Variants in ANKRD12 observed in about 807,000 individuals in gnomAD.
The protein encoded by ANKRD12 is ankyrin repeat domain 12.
A neutral mutation model predicts 183.4 loss-of-function variants in ANKRD12; 85 were observed. That is an observed-to-expected ratio of 0.46 (90% CI 0.39 to 0.56). The LOEUF is 0.56. Among genes scored for constraint, ANKRD12 ranks in the 20% least tolerant of loss-of-function variants. ANKRD12 has a pLI of 0.00. For synonymous variants in ANKRD12, 914 were observed against 800.2 expected (o/e 1.14, Z -2.40); for missense variants, 2,405 against 2,357.1 (o/e 1.02, Z -0.42).
chr18:9,168,873 C>T (rs1297805134), intron 1 of ANKRD12, among the ~76,000 whole-genome samples: 1 of 152,050 alleles, frequency 6.6e-6, no homozygotes, highest in African/African-American at 2.4e-5. Flanking sequence ...ATAGATTTCC[C>T]TCTACACACT....
intron 3 of ANKRD12, among the ~76,000 whole-genome samples, chr18:9,196,119 AC>A (rs2034776074): frequency 1.1e-5 from 1 of 92,688 alleles, no homozygotes; most frequent in Non-Finnish European, 2.2e-5. Context: ...ACACACACAC[AC>A]ACACACACAC....
intron 8 of ANKRD12, among the ~76,000 whole-genome samples, chr18:9,252,522 T>C (rs2038356965): frequency 1.3e-5 from 2 of 152,244 alleles, no homozygotes; most frequent in Non-Finnish European, 2.9e-5. Context: ...TTACATTCTT[T>C]CCTTTTAAAA....
chr18:9,204,329 T>C (rs1001399675), intron 3 of ANKRD12, 147 bp from the exon 4 acceptor site: 1 of 637,852 alleles, frequency 1.6e-6, no homozygotes, highest in Admixed American at 3.3e-5. Flanking sequence ...GTTTTAAATA[T>C]AATTTTGGCT....
intron 8 of ANKRD12, among the ~76,000 whole-genome samples, chr18:9,243,754 TATG>T (rs1433624221): frequency 6.6e-6 from 1 of 152,302 alleles, no homozygotes; most frequent in East Asian, 1.9e-4. Context: ...ATGTTGGAAA[TATG>T]AGGAAAATGG....
chr18:9,260,188 T>G (rs755615255), intron 9 of ANKRD12: 1 of 152,196 alleles, frequency 6.6e-6, no homozygotes, highest in African/African-American at 2.4e-5. Flanking sequence ...GCCAACTAAT[T>G]GCCATTTTAT....
intron 8 of ANKRD12, among the ~76,000 whole-genome samples, chr18:9,236,598 A>G (rs2037360664): frequency 6.6e-6 from 1 of 152,230 alleles, no homozygotes; most frequent in Non-Finnish European, 1.5e-5. Context: ...TTCAAAGAGA[A>G]TCATGAAAGA....
chr18:9,157,550 G>GTGTGTGT (rs1555707776), intron 1 of ANKRD12, among the ~76,000 whole-genome samples: 1 of 114,598 alleles, frequency 8.7e-6, no homozygotes, highest in African/African-American at 4.0e-5. Context: ...GGTGTGTGTG[G>GTGTGTGT]GTGTGTGTGT....
At chr18:9,266,000 C>A (rs2039269035) in intron 10 of ANKRD12, among the ~76,000 whole-genome samples, 1 of 152,148 alleles carries the variant, frequency 6.6e-6, no homozygotes, top group African/African-American at 2.4e-5. Context: ...CCGATTTGAT[C>A]AGCTGGAAGA....
intron 1 of ANKRD12, among the ~76,000 whole-genome samples, chr18:9,176,552 A>G (rs1244118929): frequency 6.6e-6 from 1 of 152,114 alleles, no homozygotes; most frequent in Non-Finnish European, 1.5e-5. Context: ...CAGCCTCCCA[A>G]AGTGCTGGGA....
chr18:9,240,993 G>A (rs2037626347), intron 8 of ANKRD12, among the ~76,000 whole-genome samples: 1 of 152,106 alleles, frequency 6.6e-6, no homozygotes, highest in African/African-American at 2.4e-5. Flanking sequence ...AAATACAACT[G>A]TTGGTACTTA....
intron 5 of ANKRD12, among the ~76,000 whole-genome samples, chr18:9,211,308 A>G (rs2144633623): frequency 6.6e-6 from 1 of 152,272 alleles, no homozygotes; most frequent in East Asian, 1.9e-4. Flanking sequence ...TTAAGGAAAC[A>G]TTTTAGAGTA....
intron 3 of ANKRD12, among the ~76,000 whole-genome samples, chr18:9,202,769 A>G (rs1018296308): frequency 3.3e-5 from 5 of 152,328 alleles, no homozygotes; most frequent in Admixed American, 3.3e-4. Flanking sequence ...TAGTTGAGGA[A>G]GGGGACAGGG....
chr18:9,172,382 TA>T (rs1004832501), intron 1 of ANKRD12, among the ~76,000 whole-genome samples: 3 of 152,222 alleles, frequency 2.0e-5, no homozygotes, highest in African/African-American at 7.2e-5. Flanking sequence ...TTGGTCTTTT[TA>T]CATAGTCCCA....
chr18:9,273,528 C>G (rs1448472689), intron 10 of ANKRD12, among the ~76,000 whole-genome samples: 1 of 152,132 alleles, frequency 6.6e-6, no homozygotes, highest in Non-Finnish European at 1.5e-5. Context: ...CCTCCCATTG[C>G]TGATAGGAAT....
At chr18:9,240,315 T>C (rs1036851253) in intron 8 of ANKRD12, among the ~76,000 whole-genome samples, 1 of 152,212 alleles carries the variant, frequency 6.6e-6, no homozygotes, top group African/African-American at 2.4e-5. Context: ...TTCCCCTAAC[T>C]TCTGCCTTTT....
At position 9,256,845 on chromosome 18, in the gene ANKRD12, A is replaced by C; in HGVS notation, c.3578A>C (p.Glu1193Ala). ...AGCTTAAACAGGTCTCCTAGATCAG[A>C]AAATGAAAAGCCGGGTCTCAGCTCC... ...DNSLNRSPRS[E>A]NEKPGLSSRS... Residue 1193 changes from glutamate (E) to alanine (A), a missense_variant, in exon 9 of 13, where the codon GAA (glutamate) becomes GCA (alanine). Transcript: ENST00000262126. The C allele has an allele frequency of 6.2e-7, 1 of 1,614,020 alleles. No individual in the cohort carries two copies. The highest frequency in any genetic ancestry group is 8.5e-7 in the Non-Finnish European group (1 of 1,179,946).
intron 1 of ANKRD12, among the ~76,000 whole-genome samples, chr18:9,168,635 G>C (rs2032344843): frequency 1.3e-5 from 2 of 151,784 alleles, no homozygotes; most frequent in South Asian, 4.2e-4. Flanking sequence ...TCTTGCTAGT[G>C]GTCTATCAAT....
At chr18:9,279,012 C>T (rs182875677) in intron 11 of ANKRD12, among the ~76,000 whole-genome samples, 19 of 152,034 alleles carry the variant, frequency 1.2e-4, no homozygotes, top group African/African-American at 3.9e-4. Context: ...TTCAAGATCA[C>T]GTAGTAAGAT....
At chr18:9,171,375 A>G (rs1167687014) in intron 1 of ANKRD12, among the ~76,000 whole-genome samples, 1 of 152,154 alleles carries the variant, frequency 6.6e-6, no homozygotes, top group Non-Finnish European at 1.5e-5. Flanking sequence ...TCTTGACTCT[A>G]TACATTTTGC....
Sources: allele counts gnomAD v4.1 joint callset (sites outside exome capture counted in the v4.1 genomes callset), GRCh38; gene constraint gnomAD v4.1.1; transcripts MANE v1.5; gene names NCBI Gene and HGNC (gene_info 2026-07-23, HGNC 2026-07-21).